Variants in DIP2A observed in about 807,000 individuals in gnomAD.
DIP2A encodes the protein DIP2 acetate--CoA ligase A, also known as disco-interacting protein 2 homolog A.
Under a neutral mutation model 177.4 loss-of-function variants are expected in DIP2A, and 85 were observed. The observed-to-expected ratio is 0.48, with a 90% confidence interval of 0.40 to 0.57. The LOEUF is 0.57. DIP2A is among the 20% of genes least tolerant of loss of function. DIP2A has a pLI of 0.00. For synonymous variants in DIP2A, 886 were observed against 881.8 expected (o/e 1.00, Z -0.08); for missense variants, 1,791 against 2,100.2 (o/e 0.85, Z 2.88).
chr21:46,549,353 T>C (rs993765372), intron 21 of DIP2A, among the ~76,000 whole-genome samples: 1 of 152,214 alleles, frequency 6.6e-6, no homozygotes, highest in Non-Finnish European at 1.5e-5. Flanking sequence ...ATTTTTAAGA[T>C]AGTAAAAACA....
intron 9 of DIP2A, among the ~76,000 whole-genome samples, chr21:46,529,851 C>G (rs908131075): frequency 2.6e-5 from 4 of 152,206 alleles, no homozygotes; most frequent in African/African-American, 9.6e-5. Flanking sequence ...CTTCCCTATT[C>G]TATGTGTCCA....
In DIP2A at chr21:46,537,316, G is replaced by A; in HGVS notation, c.1707+28G>A. On this transcript the variant is annotated intron_variant, in intron 14 of 37. Coordinates refer to ENST00000417564, the MANE Select transcript of DIP2A (RefSeq NM_015151.4). The surrounding 1 kb of genome is among the most constrained non-coding windows in gnomAD (Gnocchi z 4.1). ...GAGTGTTGTTTGCTGATGACTAACT[G>A]TTGGAACAAGGGATTGAGATGAACC... 1.9e-6 allele frequency: 3 copies of A among 1,613,682 alleles called. No homozygotes were observed. The highest frequency in any genetic ancestry group is 2.5e-6 in the Non-Finnish European group (3 of 1,179,560).
chr21:46,583,331 A>C, the DIP2A span, among the ~76,000 whole-genome samples: 1 of 152,198 alleles, frequency 6.6e-6, no homozygotes, highest in East Asian at 1.9e-4. Flanking sequence ...CTAGGAAATA[A>C]AAGATATAAC....
chr21:46,549,751 T>C lies in DIP2A; in HGVS notation c.2523-20T>C. The C allele has an allele frequency of 6.2e-7, 1 of 1,612,958 alleles. No homozygotes were observed. Among genetic ancestry groups the C allele is most frequent in the Admixed American group, 1.7e-5 (1 of 60,014 alleles). On this transcript the variant is annotated intron_variant, in intron 21 of 37. Coordinates refer to ENST00000417564, the MANE Select transcript of DIP2A (RefSeq NM_015151.4). ...GTTTGGCCTCTTGCCGTGTGGCCAT[T>C]TCCATGTCTCATCCCGCAGGATCGC... is the stretch of plus-strand genomic sequence containing the variant.
At chr21:46,477,785 T>C (rs2056032048) in intron 1 of DIP2A, among the ~76,000 whole-genome samples, 2 of 151,840 alleles carry the variant, frequency 1.3e-5, no homozygotes, top group Non-Finnish European at 2.9e-5. Context: ...GGTTTTGCCA[T>C]GTTGGCCAGG....
chr21:46,563,586 C>G lies in DIP2A; in HGVS notation c.4090-272C>G, dbSNP rs930599637. On this transcript the variant is annotated intron_variant, in intron 34 of 37. Transcript: ENST00000417564. This position sits in a 1 kb window ranked among gnomAD's most constrained non-coding sequence, Gnocchi z 4.3. ...GCGCTGGCATCACCTGGCTGATTGTCTTTGTAGGCTTAGTGACCCTCTGCC... is the reference window on the plus strand; with the variant it reads ...GCGCTGGCATCACCTGGCTGATTGTGTTTGTAGGCTTAGTGACCCTCTGCC... 53 of 443,924 alleles carry G rather than the reference C, an allele frequency of 1.2e-4. No individual in the cohort carries two copies. Among genetic ancestry groups the G allele is most frequent in the Admixed American group, 2.2e-4 (6 of 27,072 alleles). 27.5% of individuals were successfully genotyped at this position (443,924 alleles called of 1,614,324 possible). A position where few individuals can be genotyped will look rare whatever the true frequency, so the allele number is the denominator to read the frequency against.
intron 6 of DIP2A, among the ~76,000 whole-genome samples, chr21:46,506,265 G>A (rs1032180636): frequency 6.6e-6 from 1 of 152,086 alleles, no homozygotes; most frequent in African/African-American, 2.4e-5. Context: ...TTACAGGCAT[G>A]TGCCACCACG....
intron 8 of DIP2A, among the ~76,000 whole-genome samples, chr21:46,512,800 T>A (rs561895660): frequency 7.2e-5 from 9 of 125,704 alleles, no homozygotes; most frequent in South Asian, 5.1e-4. Context: ...CCAGCTAATT[T>A]AAAAAAAAAA....
intron 10 of DIP2A, 65 bp downstream of exon 10, chr21:46,532,302 C>G (rs2059387044): frequency 7.4e-7 from 1 of 1,352,172 alleles, no homozygotes; most frequent in East Asian, 2.4e-5. Context: ...CAGTATCTTA[C>G]TTCCTTTTCA....
chr21:46,524,069 C>G (rs2058953111), intron 8 of DIP2A, among the ~76,000 whole-genome samples: 2 of 152,234 alleles, frequency 1.3e-5, no homozygotes, highest in South Asian at 4.1e-4. Context: ...CCCGTCAGCT[C>G]TGGAGTTTCC....
intron 5 of DIP2A, among the ~76,000 whole-genome samples, chr21:46,502,267 C>G (rs2057693094): frequency 6.6e-6 from 1 of 151,240 alleles, no homozygotes; most frequent in Non-Finnish European, 1.5e-5. Context: ...TCCTAAGTAG[C>G]TGGGACCACA....
At chr21:46,483,780 T>C (rs1216458047) in intron 1 of DIP2A, among the ~76,000 whole-genome samples, 1 of 152,246 alleles carries the variant, frequency 6.6e-6, no homozygotes, top group African/African-American at 2.4e-5. Flanking sequence ...CTTTGCTTGC[T>C]TGTTTTGAGA....
At chr21:46,476,640 T>C (rs999574998) in intron 1 of DIP2A, among the ~76,000 whole-genome samples, 6 of 149,958 alleles carry the variant, frequency 4.0e-5, no homozygotes, top group African/African-American at 1.5e-4. Flanking sequence ...CTTCTAGTCA[T>C]AGCATCACTC....
intron 16 of DIP2A, chr21:46,538,823 T>TTAA: frequency 6.6e-6 from 4 of 601,686 alleles, no homozygotes; most frequent in African/African-American, 3.7e-5. Flanking sequence ...TTAATATGCT[T>TTAA]GATGAAAGGT....
chr21:46,542,319 C>T (rs970216096), intron 18 of DIP2A, among the ~76,000 whole-genome samples: 2 of 152,218 alleles, frequency 1.3e-5, no homozygotes, highest in Admixed American at 1.3e-4. Flanking sequence ...GTTCCAGGCA[C>T]AGGCTTCATA....
chr21:46,546,081 G>C (rs1222024303), intron 20 of DIP2A, 120 bp downstream of exon 20: 2 of 1,547,664 alleles, frequency 1.3e-6, no homozygotes, highest in Non-Finnish European at 1.7e-6. Flanking sequence ...TGTGGCCTTG[G>C]TCGGTGGCGC....
chr21:46,511,337 A>G (rs1236934165), intron 7 of DIP2A, 80 bp from the exon 8 acceptor site: 12 of 1,397,350 alleles, frequency 8.6e-6, no homozygotes, highest in Non-Finnish European at 1.1e-5. Context: ...AAACAATATT[A>G]TAAACTATGA....
At chr21:46,472,721 C>T (rs974309535) in intron 1 of DIP2A, among the ~76,000 whole-genome samples, 1 of 152,154 alleles carries the variant, frequency 6.6e-6, no homozygotes. Context: ...GCTCACACAT[C>T]CTAGTAAGGA....
chr21:46,518,480 T>C (rs1442665015), intron 8 of DIP2A, among the ~76,000 whole-genome samples: 2 of 152,244 alleles, frequency 1.3e-5, no homozygotes, highest in African/African-American at 2.4e-5. Flanking sequence ...TGCATTTTAC[T>C]GATAACTAAA....
Sources: allele counts gnomAD v4.1 joint callset (sites outside exome capture counted in the v4.1 genomes callset), GRCh38; gene constraint gnomAD v4.1.1; non-coding constraint Gnocchi (gnomAD v3.1); transcripts MANE v1.5; gene names NCBI Gene and HGNC (gene_info 2026-07-23, HGNC 2026-07-21).